PCNX2: variants seen among roughly 807,000 people sequenced by gnomAD.
The protein encoded by PCNX2 is pecanex 2.
A neutral mutation model predicts 223.8 loss-of-function variants in PCNX2; 168 were observed. The observed-to-expected ratio is 0.75, with a 90% CI of 0.66 to 0.85. The LOEUF (loss-of-function observed/expected upper bound fraction) is 0.85, where lower values mean the gene tolerates loss of function less well. Among genes scored for constraint, PCNX2 ranks in the 40% least tolerant of loss-of-function variants. The pLI is 0.00. For synonymous variants in PCNX2, 1,006 were observed against 1,052.6 expected (o/e 0.96, Z 0.86); for missense variants, 2,507 against 2,675.5 (o/e 0.94, Z 1.39).
intron 22 of PCNX2, among the ~76,000 whole-genome samples, chr1:233,091,182 G>C (rs1476217456): frequency 1.3e-5 from 2 of 152,132 alleles, no homozygotes; most frequent in African/African-American, 4.8e-5. Flanking sequence ...CCTGGTCCTA[G>C]GGTATTAGGA....
rs940856978 is a variant in PCNX2 at position 233,126,809 on chromosome 1, A to G, written c.3837+8204T>C. Among the ~76,000 whole-genome samples, 2 of 152,156 alleles carry G rather than the reference A, an allele frequency of 1.3e-5. No individual in the cohort carries two copies. Among genetic ancestry groups the G allele is most frequent in the Admixed American group, 6.5e-5 (1 of 15,274 alleles). On this transcript the variant is annotated intron_variant, in intron 21 of 33. Coordinates refer to ENST00000258229, the MANE Select transcript of PCNX2 (RefSeq NM_014801.4). This position sits in a 1 kb window ranked among gnomAD's most constrained non-coding sequence, Gnocchi z 4.8. Reference sequence around the variant, plus strand: ...TTCCACAATCTAATACATCAAAGCTAACATCCTTTTCCCAAAAACGTCTTT... The same window carrying G: ...TTCCACAATCTAATACATCAAAGCTGACATCCTTTTCCCAAAAACGTCTTT...
chr1:233,173,524 A>C (rs775201318), intron 17 of PCNX2, among the ~76,000 whole-genome samples: 7 of 152,208 alleles, frequency 4.6e-5, no homozygotes, highest in Non-Finnish European at 8.8e-5. Context: ...TTCTTTCTCA[A>C]GTTTTTAAAA....
intron 21 of PCNX2, among the ~76,000 whole-genome samples, chr1:233,113,297 C>T (rs150093525): frequency 4.6e-5 from 7 of 152,302 alleles, no homozygotes; most frequent in African/African-American, 1.7e-4. Context: ...AGCAGCTAGA[C>T]AGCTGAACAA....
intron 19 of PCNX2, among the ~76,000 whole-genome samples, chr1:233,154,549 G>A (rs1678000966): frequency 6.6e-6 from 1 of 152,130 alleles, no homozygotes; most frequent in Non-Finnish European, 1.5e-5. Flanking sequence ...TTCCTTTAGT[G>A]AATTTACAAA....
chr1:233,001,426 C>G lies in PCNX2; in HGVS notation c.5097+111G>C. The G allele has an allele frequency of 1.5e-6, 1 of 646,650 alleles. No individual in the cohort carries two copies. The highest frequency in any genetic ancestry group is 2.0e-6 in the Non-Finnish European group (1 of 492,088). 40.1% of individuals were successfully genotyped at this position (646,650 alleles called of 1,614,324 possible). A position where few individuals can be genotyped will look rare whatever the true frequency, so the allele number is the denominator to read the frequency against. ...CCCGGGAGGTGGAGGTTGTGGTGAGCCGAGATTGTGCCATTGCACCCCAGC... is the reference window on the plus strand; with the variant it reads ...CCCGGGAGGTGGAGGTTGTGGTGAGGCGAGATTGTGCCATTGCACCCCAGC... On this transcript the variant is annotated intron_variant, in intron 29 of 33. Coordinates refer to ENST00000258229, the MANE Select transcript of PCNX2 (RefSeq NM_014801.4). The surrounding 1 kb of genome is among the most constrained non-coding windows in gnomAD (Gnocchi z 4.2).
chr1:232,998,322 C>T lies in PCNX2; in HGVS notation c.5720G>A (p.Ser1907Asn). 6 of 1,613,070 alleles carry T rather than the reference C, an allele frequency of 3.7e-6. No homozygotes were observed. The highest frequency in any genetic ancestry group is 5.1e-6 in the Non-Finnish European group (6 of 1,179,558). Residue 1907 changes from serine (S) to asparagine (N), a missense_variant, in exon 32 of 34, where the codon AGC (serine) becomes AAC (asparagine). Transcript: ENST00000258229. ...GCCTTTTCTGGGCTGTTCTGCGCTG[C>T]TCTCCTGGCTGCCACCACTCGGGGC... ...NNAPSGGSQE[S>N]SAEQPRKGGA...
chr1:233,149,951 T>C (rs1313260738), intron 19 of PCNX2, among the ~76,000 whole-genome samples: 1 of 152,024 alleles, frequency 6.6e-6, no homozygotes, highest in Non-Finnish European at 1.5e-5. Flanking sequence ...TACACGTCAC[T>C]TCCTCAAGGA....
At chr1:233,263,919 C>A (rs914493125) in intron 1 of PCNX2, among the ~76,000 whole-genome samples, 1 of 152,166 alleles carries the variant, frequency 6.6e-6, no homozygotes, top group African/African-American at 2.4e-5. Flanking sequence ...ACCACTCCCC[C>A]ATTCCCCTCC....
chr1:233,216,592 G>T (rs1013984294), intron 12 of PCNX2, among the ~76,000 whole-genome samples: 1 of 152,106 alleles, frequency 6.6e-6, no homozygotes, highest in African/African-American at 2.4e-5. Flanking sequence ...TATACTGCTA[G>T]GGGGTACAGA....
intron 17 of PCNX2, among the ~76,000 whole-genome samples, chr1:233,176,018 G>A (rs183223063): frequency 3.9e-4 from 60 of 152,180 alleles, no homozygotes; most frequent in Admixed American, 3.2e-3. Flanking sequence ...CTGTAACACC[G>A]GGCACTGGCT....
intron 19 of PCNX2, among the ~76,000 whole-genome samples, chr1:233,140,862 C>G (rs925075953): frequency 1.6e-4 from 24 of 152,158 alleles, no homozygotes; most frequent in African/African-American, 5.8e-4. Flanking sequence ...TCATTCCCTG[C>G]CCCCTCCTCT....
At position 233,187,849 on chromosome 1, in the gene PCNX2, G is replaced by A. The variant is rs546832779; in HGVS notation, c.3067-8674C>T. Reference sequence around the variant, plus strand: ...ACAGCCAAAAGACTTATTATTCCTGGTCTCTTGCAGCTAGAAATGATACAA... The same window carrying A: ...ACAGCCAAAAGACTTATTATTCCTGATCTCTTGCAGCTAGAAATGATACAA... On this transcript the variant is annotated intron_variant, in intron 15 of 33. Coordinates refer to ENST00000258229, the MANE Select transcript of PCNX2 (RefSeq NM_014801.4). 6.6e-5 allele frequency among the ~76,000 whole-genome samples: 10 copies of A among 152,134 alleles called. No homozygotes were observed. The South Asian group carries it at 2.1e-3, about 32-fold the overall frequency.
intron 21 of PCNX2, among the ~76,000 whole-genome samples, chr1:233,130,789 C>G (rs899147494): frequency 2.6e-5 from 4 of 151,950 alleles, no homozygotes; most frequent in Non-Finnish European, 5.9e-5. Flanking sequence ...GGCACCCCCC[C>G]CTTTTTTTTT....
intron 1 of PCNX2, chr1:233,291,584 G>A: frequency 1.2e-6 from 1 of 803,602 alleles, no homozygotes; most frequent in South Asian, 5.7e-5. Flanking sequence ...CTCCAGCCTG[G>A]GCAACAACAG....
intron 13 of PCNX2, among the ~76,000 whole-genome samples, chr1:233,200,495 C>T (rs923629553): frequency 6.7e-6 from 1 of 149,088 alleles, no homozygotes; most frequent in African/African-American, 2.5e-5. Context: ...ATCTTAGACT[C>T]CTCTCACCCG....
intron 17 of PCNX2, among the ~76,000 whole-genome samples, chr1:233,163,919 A>T (rs756575928): frequency 1.3e-5 from 2 of 152,134 alleles, no homozygotes; most frequent in Admixed American, 6.5e-5. Flanking sequence ...GATATACCAC[A>T]ATGTGTTTAT....
chr1:233,141,802 T>C (rs1207256975), intron 19 of PCNX2, among the ~76,000 whole-genome samples: 1 of 151,772 alleles, frequency 6.6e-6, no homozygotes, highest in Non-Finnish European at 1.5e-5. Flanking sequence ...TGTGTGTGTA[T>C]ATGAAGAGAG....
intron 23 of PCNX2, among the ~76,000 whole-genome samples, chr1:233,086,744 G>A (rs1405453084): frequency 6.6e-6 from 1 of 152,110 alleles, no homozygotes; most frequent in Non-Finnish European, 1.5e-5. Context: ...CCCATTTCAA[G>A]TGCTTGGTAG....
At chr1:233,086,233 T>G (rs1404474274) in intron 23 of PCNX2, among the ~76,000 whole-genome samples, 1 of 152,124 alleles carries the variant, frequency 6.6e-6, no homozygotes, top group Non-Finnish European at 1.5e-5. Context: ...ATATGATGTG[T>G]GGGAAAGTGT....
Sources: allele counts gnomAD v4.1 joint callset (sites outside exome capture counted in the v4.1 genomes callset), GRCh38; gene constraint gnomAD v4.1.1; non-coding constraint Gnocchi (gnomAD v3.1); transcripts MANE v1.5; gene names NCBI Gene and HGNC (gene_info 2026-07-23, HGNC 2026-07-21).